KALRN: variants seen among roughly 807,000 people sequenced by gnomAD.
The protein encoded by KALRN is kalirin.
In KALRN, 70 loss-of-function variants were observed where a neutral mutation model predicts 353.7. The ratio of observed to expected loss-of-function variants is 0.20; its 90% CI spans 0.16 to 0.24. The LOEUF (loss-of-function observed/expected upper bound fraction) is 0.24, where lower values mean the gene tolerates loss of function less well. Among genes scored for constraint, KALRN ranks in the 10% least tolerant of loss-of-function variants. The pLI is 1.00. For missense variants in KALRN, 2,791 were observed against 3,756.7 expected (o/e 0.74, Z 6.72); for synonymous variants, 1,391 against 1,434.8 (o/e 0.97, Z 0.69).
chr3:124,085,414 C>T (rs931497924), intron 1 of KALRN, among the ~76,000 whole-genome samples: 2 of 152,158 alleles, frequency 1.3e-5, no homozygotes, highest in African/African-American at 4.8e-5. Flanking sequence ...GAGGTTCTTC[C>T]TGAATGCTTG....
At chr3:124,605,487 T>C (rs71618091) in intron 34 of KALRN, among the ~76,000 whole-genome samples, 90,121 of 151,026 alleles carry the variant, frequency 0.6, 27,080 homozygotes, top group East Asian at 0.83. Flanking sequence ...GCAGGAGAAT[T>C]GCTTGAACCC....
chr3:124,517,041 C>T (rs751461150), intron 33 of KALRN, among the ~76,000 whole-genome samples: 14 of 152,276 alleles, frequency 9.2e-5, no homozygotes, highest in Non-Finnish European at 1.5e-4. Context: ...TAGTCTCGAA[C>T]GCCTGATCTC....
chr3:124,253,406 G>A (rs949066131), intron 3 of KALRN, among the ~76,000 whole-genome samples: 3 of 152,136 alleles, frequency 2.0e-5, no homozygotes, highest in African/African-American at 7.2e-5. Flanking sequence ...ACTTACTTGG[G>A]GCTACTTTTT....
intron 2 of KALRN, among the ~76,000 whole-genome samples, chr3:124,230,875 A>C (rs1225205822): frequency 5.3e-5 from 8 of 151,156 alleles, no homozygotes; most frequent in African/African-American, 1.9e-4. Context: ...AAAAAAACAA[A>C]AAAAAAACAC....
intron 1 of KALRN, among the ~76,000 whole-genome samples, chr3:124,227,761 C>G (rs1245266192): frequency 3.2e-5 from 4 of 124,008 alleles, no homozygotes; most frequent in African/African-American, 1.2e-4. Flanking sequence ...ATTGTCCTCT[C>G]CTTGAGAAGG....
Position 124,149,990 on chromosome 3 carries a change from C to G in KALRN, c.74-78000C>G, listed in dbSNP as rs2067874528. On this transcript the variant is annotated intron_variant, in intron 1 of 59. Transcript: ENST00000682506. ...TATTGAAATAATTGCTCCCAATCTT[C>G]CCTTTCCAATGAATGCCAAGCTGTT... Among the ~76,000 whole-genome samples the G allele has an allele frequency of 2.0e-5, 3 of 152,192 alleles. No individual in the cohort carries two copies. In the South Asian group the frequency reaches 6.2e-4, roughly 32 times the overall value.
intron 1 of KALRN, among the ~76,000 whole-genome samples, chr3:124,138,700 C>G (rs185808233): frequency 5.3e-5 from 8 of 152,292 alleles, no homozygotes; most frequent in Middle Eastern, 6.8e-3. Flanking sequence ...CTTCATAGAT[C>G]AGTCATCAGC....
intron 34 of KALRN, among the ~76,000 whole-genome samples, chr3:124,567,245 TCTC>T (rs1320366185): frequency 4.6e-5 from 7 of 151,924 alleles, no homozygotes; most frequent in Admixed American, 3.9e-4. Flanking sequence ...ACTAGCCCGG[TCTC>T]CTCTCTTCCA....
intron 1 of KALRN, among the ~76,000 whole-genome samples, chr3:124,186,009 A>C (rs1486529266): frequency 6.6e-6 from 1 of 152,172 alleles, no homozygotes; most frequent in Non-Finnish European, 1.5e-5. Flanking sequence ...GGAGTGGCAG[A>C]GGCATTGTTA....
In KALRN at chr3:124,584,569, G is replaced by A. The variant is rs533059653; in HGVS notation, c.5182+21480G>A. The A allele has an allele frequency of 2.8e-4, 370 of 1,307,588 alleles. 1 individual carries two copies. In the African/African-American group the frequency reaches 4.8e-3, roughly 17 times the overall value. 81.0% of individuals were successfully genotyped at this position (1,307,588 alleles called of 1,614,324 possible). On this transcript the variant is annotated intron_variant, in intron 34 of 59. Transcript: ENST00000682506. ...TTACATGAGGCTCCGGCCGCTGCTG[G>A]CCAGGTCTCCTGCCCACAGCTGGAC...
chr3:124,640,078 A>G (rs2081864249), intron 37 of KALRN, among the ~76,000 whole-genome samples: 1 of 152,134 alleles, frequency 6.6e-6, no homozygotes, highest in South Asian at 2.1e-4. Flanking sequence ...TTCCGCTTAG[A>G]AGAAGAAAAG....
intron 33 of KALRN, among the ~76,000 whole-genome samples, chr3:124,558,627 T>TA (rs1216687248): frequency 4.6e-5 from 7 of 152,252 alleles, no homozygotes; most frequent in African/African-American, 1.7e-4. Flanking sequence ...CTTAAGGCAC[T>TA]ATCCTAGGTG....
chr3:124,469,515 G>A (rs759135507), intron 25 of KALRN, among the ~76,000 whole-genome samples: 14 of 152,166 alleles, frequency 9.2e-5, no homozygotes, highest in Non-Finnish European at 2.1e-4. Context: ...TATGTTCTAG[G>A]CTCTGAATCT....
intron 39 of KALRN, among the ~76,000 whole-genome samples, chr3:124,656,565 C>T (rs188495198): frequency 6.6e-5 from 10 of 152,112 alleles, no homozygotes; most frequent in Admixed American, 5.9e-4. Flanking sequence ...GAGCTGAGAT[C>T]GCGCCACCGC....
intron 1 of KALRN, among the ~76,000 whole-genome samples, chr3:124,074,508 G>A (rs911733575): frequency 6.6e-6 from 1 of 152,204 alleles, no homozygotes; most frequent in African/African-American, 2.4e-5. Context: ...ACAATCACAA[G>A]GTCCAGAGAA....
intron 25 of KALRN, among the ~76,000 whole-genome samples, chr3:124,469,697 C>T (rs892186476): frequency 6.6e-5 from 10 of 152,184 alleles, no homozygotes; most frequent in South Asian, 6.2e-4. Flanking sequence ...GTATGCTCCA[C>T]GTTGTTCCTC....
intron 53 of KALRN, among the ~76,000 whole-genome samples, chr3:124,695,728 T>A (rs1454073492): frequency 1.3e-5 from 2 of 151,978 alleles, no homozygotes; most frequent in East Asian, 3.8e-4. Flanking sequence ...ATTTTTATTC[T>A]TGAGTCTTTC....
intron 1 of KALRN, among the ~76,000 whole-genome samples, chr3:124,072,656 CT>C (rs1470135811): frequency 6.6e-6 from 1 of 152,218 alleles, no homozygotes; most frequent in Non-Finnish European, 1.5e-5. Context: ...GATCTACCAT[CT>C]GTAGCTACGG....
intron 13 of KALRN, among the ~76,000 whole-genome samples, chr3:124,401,072 T>C (rs1277579538): frequency 6.6e-6 from 1 of 152,200 alleles, no homozygotes; most frequent in Non-Finnish European, 1.5e-5. Flanking sequence ...TTTACTAGCA[T>C]CGATTGTAGG....
Sources: gnomAD v4.1 joint callset for allele counts (sites outside exome capture counted in the v4.1 genomes callset) on GRCh38, gnomAD v4.1.1 for gene constraint, MANE v1.5 for transcripts, NCBI Gene and HGNC (gene_info 2026-07-23, HGNC 2026-07-21) for gene names.